AOAH: variants seen among roughly 807,000 people sequenced by gnomAD.
AOAH encodes acyloxyacyl hydrolase (neutrophil).
A neutral mutation model predicts 92.2 loss-of-function variants in AOAH; 64 were observed. The observed-to-expected ratio is 0.69, with a 90% confidence interval of 0.57 to 0.86. AOAH has a LOEUF of 0.86. Among genes scored for constraint, AOAH ranks in the 40% least tolerant of loss-of-function variants. AOAH has a pLI of 0.00. For missense variants in AOAH, 656 were observed against 694.6 expected, an observed-to-expected ratio of 0.94 and a Z score of 0.62; for synonymous variants, 263 against 254.5, an observed-to-expected ratio of 1.03 and a Z score of -0.32.
At chr7:36,597,363 A>G (rs1011329978) in intron 11 of AOAH, among the ~76,000 whole-genome samples, 3 of 152,138 alleles carry the variant, frequency 2.0e-5, no homozygotes, top group Non-Finnish European at 4.4e-5. Context: ...CTACAAAGCA[A>G]AACTTTTCTC....
chr7:36,713,241 T>A (rs1185798704), intron 1 of AOAH, among the ~76,000 whole-genome samples: 7 of 152,132 alleles, frequency 4.6e-5, no homozygotes, highest in Non-Finnish European at 5.9e-5. Context: ...AGGCCATTAC[T>A]TAATGGTAAA....
At chr7:36,655,459 G>C (rs1794825773) in intron 4 of AOAH, among the ~76,000 whole-genome samples, 1 of 151,996 alleles carries the variant, frequency 6.6e-6, no homozygotes, top group South Asian at 2.1e-4. Flanking sequence ...GGTGTAGGGT[G>C]GGAGGGTTGG....
At chr7:36,617,831 G>T (rs1792008583) in intron 10 of AOAH, among the ~76,000 whole-genome samples, 1 of 152,168 alleles carries the variant, frequency 6.6e-6, no homozygotes, top group South Asian at 2.1e-4. Context: ...TTATAGTCTG[G>T]CAGTCTCTCT....
intron 3 of AOAH, among the ~76,000 whole-genome samples, chr7:36,672,803 T>C (rs1362025987): frequency 6.6e-6 from 1 of 152,126 alleles, no homozygotes; most frequent in Admixed American, 6.6e-5. Flanking sequence ...AGAATGTTCC[T>C]AGGAGTACTG....
chr7:36,714,038 G>C (rs920927566), intron 1 of AOAH, among the ~76,000 whole-genome samples: 5 of 152,124 alleles, frequency 3.3e-5, no homozygotes, highest in African/African-American at 1.2e-4. Flanking sequence ...GAATCCTGGA[G>C]CTGGTTTTTT....
At chr7:36,601,984 A>G (rs754026253) in intron 11 of AOAH, among the ~76,000 whole-genome samples, 43 of 152,336 alleles carry the variant, frequency 2.8e-4, no homozygotes, top group Middle Eastern at 3.4e-3. Context: ...AATGTACTAC[A>G]CACCAGCAGA....
intron 3 of AOAH, among the ~76,000 whole-genome samples, chr7:36,661,627 T>C (rs970566450): frequency 6.6e-6 from 1 of 152,274 alleles, no homozygotes. Flanking sequence ...ACCTCTCTTC[T>C]CTCCCTGAGC....
chr7:36,618,570 A>C (rs773350651), intron 9 of AOAH, among the ~76,000 whole-genome samples: 1 of 152,212 alleles, frequency 6.6e-6, no homozygotes, highest in Non-Finnish European at 1.5e-5. Context: ...GAACCATTTC[A>C]TTCAGGGAGA....
At position 36,653,430 on chromosome 7, in the gene AOAH, G is replaced by A. The variant is rs556787079; in HGVS notation, c.390+5736C>T. Among the ~76,000 whole-genome samples, 23 of 152,288 alleles carry A rather than the reference G, an allele frequency of 1.5e-4. No individual in the cohort carries two copies. The South Asian group carries it at 1.7e-3, about 11-fold the overall frequency. ...TTAGGCGAAACATAATTTGTCATGCGTCACTTTCTCATATAAAGAGTGAAA... is the reference window on the plus strand; with the variant it reads ...TTAGGCGAAACATAATTTGTCATGCATCACTTTCTCATATAAAGAGTGAAA... On this transcript the variant is annotated intron_variant, in intron 4 of 20. Coordinates refer to ENST00000617537, the MANE Select transcript of AOAH (RefSeq NM_001637.4).
intron 15 of AOAH, among the ~76,000 whole-genome samples, chr7:36,546,148 A>G (rs930604889): frequency 3.3e-5 from 5 of 152,240 alleles, no homozygotes; most frequent in African/African-American, 1.2e-4. Context: ...TTTAACCAGT[A>G]TTTGTTGAGT....
chr7:36,542,233 G>A (rs1396942121), intron 15 of AOAH, among the ~76,000 whole-genome samples: 1 of 152,182 alleles, frequency 6.6e-6, no homozygotes, highest in African/African-American at 2.4e-5. Context: ...GCTGAGGATC[G>A]CTGGAAGCCA....
intron 9 of AOAH, 151 bp from the exon 10 acceptor site, chr7:36,618,496 C>A: frequency 2.9e-6 from 2 of 686,004 alleles, no homozygotes; most frequent in Non-Finnish European, 5.0e-6. Context: ...AACATAGCAA[C>A]GCCCTGTGCG....
intron 16 of AOAH, among the ~76,000 whole-genome samples, chr7:36,539,627 C>G (rs1785287329): frequency 6.6e-6 from 1 of 152,182 alleles, no homozygotes. Context: ...GAAAGCAGAG[C>G]CCTGCTACAA....
intron 1 of AOAH, among the ~76,000 whole-genome samples, chr7:36,697,813 C>T (rs1052590335): frequency 6.6e-6 from 1 of 152,078 alleles, no homozygotes; most frequent in South Asian, 2.1e-4. Flanking sequence ...CAGTGTTCTT[C>T]TAAGAAGAGA....
In AOAH at chr7:36,532,353, C is replaced by G. The variant is rs1281346980; in HGVS notation, c.1307-9G>C. ...GTCTTTATTTAGCTGGCCTGGAAAA[C>G]AGAGAGGTCTGGTAGATTGCATCCA... On this transcript the variant is annotated splice_polypyrimidine_tract_variant and intron_variant, in intron 16 of 20. Coordinates refer to ENST00000617537, the MANE Select transcript of AOAH (RefSeq NM_001637.4). 3 of 1,613,332 alleles carry G rather than the reference C, an allele frequency of 1.9e-6. No individual in the cohort carries two copies. The highest frequency in any genetic ancestry group is 1.3e-5 in the African/African-American group (1 of 75,014).
chr7:36,521,107 G>A (rs1254428210), intron 20 of AOAH, among the ~76,000 whole-genome samples: 2 of 152,026 alleles, frequency 1.3e-5, no homozygotes, highest in African/African-American at 4.8e-5. Flanking sequence ...GGCTCTTGAG[G>A]GGACAATCAG....
intron 19 of AOAH, among the ~76,000 whole-genome samples, chr7:36,524,517 C>A (rs200730428): frequency 3.1e-4 from 40 of 128,556 alleles, no homozygotes; most frequent in African/African-American, 8.9e-4. Context: ...AAAAAAAAAA[C>A]AAAAAAAAAT....
chr7:36,627,429 T>C (rs1293406086), intron 6 of AOAH, among the ~76,000 whole-genome samples: 1 of 152,246 alleles, frequency 6.6e-6, no homozygotes, highest in Admixed American at 6.5e-5. Flanking sequence ...ATCCCAGTTC[T>C]GCTGTCTCCT....
intron 12 of AOAH, among the ~76,000 whole-genome samples, chr7:36,589,493 T>C (rs932762737): frequency 5.3e-5 from 8 of 152,202 alleles, no homozygotes; most frequent in African/African-American, 1.4e-4. Context: ...ACATAGTGGG[T>C]AGCAGAAGCA....
Sources: allele counts gnomAD v4.1 joint callset (sites outside exome capture counted in the v4.1 genomes callset), GRCh38; gene constraint gnomAD v4.1.1; transcripts MANE v1.5; gene names NCBI Gene and HGNC (gene_info 2026-07-23, HGNC 2026-07-21).